The following DENND1A variants were observed in gnomAD, a reference collection of about 807,000 sequenced individuals.
DENND1A encodes DENN domain-containing protein 1A.
In DENND1A, 51 loss-of-function variants were observed where a neutral mutation model predicts 113.7. The ratio of observed to expected loss-of-function variants is 0.45; its 90% CI spans 0.36 to 0.57. The LOEUF is 0.57. Ranked by LOEUF, DENND1A falls within the 20% of genes least tolerant of loss-of-function variation. The pLI is 0.00. For missense variants in DENND1A, 1,258 were observed against 1,395.9 expected (o/e 0.90, Z 1.57); for synonymous variants, 565 against 570.8 (o/e 0.99, Z 0.14).
At chr9:123,527,567 G>A (rs1036529994) in intron 13 of DENND1A, among the ~76,000 whole-genome samples, 1 of 152,068 alleles carries the variant, frequency 6.6e-6, no homozygotes, top group Admixed American at 6.6e-5. Flanking sequence ...CTCTCAGCTT[G>A]GGTATCACTT....
chr9:123,494,607 C>CT (rs1301051917), intron 13 of DENND1A, among the ~76,000 whole-genome samples: 7 of 152,132 alleles, frequency 4.6e-5, no homozygotes, highest in Admixed American at 4.6e-4. Context: ...TCAGATGGAT[C>CT]TTTAAGCCAG....
intron 10 of DENND1A, 37 bp from the exon 11 acceptor site, chr9:123,609,518 G>C: frequency 6.2e-7 from 1 of 1,604,420 alleles, no homozygotes; most frequent in Non-Finnish European, 8.5e-7. Flanking sequence ...CTGCTTTAAT[G>C]TCTGTTGCTT....
At chr9:123,585,344 A>G (rs961059419) in intron 11 of DENND1A, among the ~76,000 whole-genome samples, 1 of 152,236 alleles carries the variant, frequency 6.6e-6, no homozygotes, top group Non-Finnish European at 1.5e-5. Context: ...TGCCTTATTT[A>G]TAGGGTAAAA....
At chr9:123,582,543 G>A (rs1421111764) in intron 12 of DENND1A, among the ~76,000 whole-genome samples, 1 of 151,090 alleles carries the variant, frequency 6.6e-6, no homozygotes, top group East Asian at 2.0e-4. Context: ...GGGACTACAG[G>A]CACATGCCAC....
intron 2 of DENND1A, among the ~76,000 whole-genome samples, chr9:123,864,702 CT>C (rs1297144096): frequency 6.6e-6 from 1 of 152,092 alleles, no homozygotes; most frequent in East Asian, 1.9e-4. Flanking sequence ...TGCCCTCCCC[CT>C]AGACCTACCC....
At chr9:123,921,844 C>A (rs1211029477) in intron 1 of DENND1A, among the ~76,000 whole-genome samples, 7 of 152,088 alleles carry the variant, frequency 4.6e-5, no homozygotes, top group Non-Finnish European at 8.8e-5. Flanking sequence ...TTTGATTCTT[C>A]TTTTGCCTCT....
chr9:123,901,792 C>G (rs534004425), intron 1 of DENND1A, among the ~76,000 whole-genome samples: 3 of 152,208 alleles, frequency 2.0e-5, no homozygotes, highest in Admixed American at 1.3e-4. Flanking sequence ...ATCACGAGGT[C>G]AGAAGATCGA....
intron 13 of DENND1A, among the ~76,000 whole-genome samples, chr9:123,495,697 T>A (rs780046855): frequency 1.3e-5 from 2 of 152,238 alleles, no homozygotes; most frequent in Admixed American, 6.5e-5. Context: ...ATCCTGCTGT[T>A]ACAGACTCCT....
chr9:123,467,544 A>G (rs2049055699), intron 13 of DENND1A, among the ~76,000 whole-genome samples: 1 of 152,056 alleles, frequency 6.6e-6, no homozygotes, highest in African/African-American at 2.4e-5. Context: ...AATCCCAGCT[A>G]CTCAGGAGGC....
chr9:123,603,992 G>T (rs1027223484), intron 11 of DENND1A, among the ~76,000 whole-genome samples: 9 of 152,076 alleles, frequency 5.9e-5, no homozygotes, highest in African/African-American at 2.2e-4. Flanking sequence ...CATTTTATAC[G>T]GAAGGACTGT....
intron 5 of DENND1A, among the ~76,000 whole-genome samples, chr9:123,744,402 T>C (rs2069292449): frequency 6.6e-6 from 1 of 152,228 alleles, no homozygotes; most frequent in Non-Finnish European, 1.5e-5. Context: ...GGCCTTAAAA[T>C]TGTTTCTAAC....
intron 11 of DENND1A, among the ~76,000 whole-genome samples, chr9:123,606,444 G>C (rs966348765): frequency 6.6e-6 from 1 of 152,196 alleles, no homozygotes; most frequent in African/African-American, 2.4e-5. Context: ...TTCAAAGGCT[G>C]AGCAGAAGAG....
intron 21 of DENND1A, chr9:123,401,490 CCT>C (rs2043459835): frequency 1.6e-6 from 2 of 1,215,116 alleles, no homozygotes; most frequent in Non-Finnish European, 1.0e-6. Flanking sequence ...GAAACGTACC[CCT>C]CTGTCTCCTT....
At chr9:123,810,356 G>A (rs1836346754) in intron 2 of DENND1A, among the ~76,000 whole-genome samples, 1 of 152,080 alleles carries the variant, frequency 6.6e-6, no homozygotes, top group Admixed American at 6.6e-5. Context: ...GGCTTGAGAA[G>A]CAGAGCACAC....
intron 13 of DENND1A, among the ~76,000 whole-genome samples, chr9:123,502,316 C>T (rs958982429): frequency 4.0e-5 from 6 of 151,570 alleles, no homozygotes; most frequent in African/African-American, 9.7e-5. Context: ...TCTAGAGAAC[C>T]CTAATACAGG....
chr9:123,488,686 C>T (rs1007266666), intron 13 of DENND1A, among the ~76,000 whole-genome samples: 4 of 152,220 alleles, frequency 2.6e-5, no homozygotes, highest in Non-Finnish European at 5.9e-5. Context: ...ATCTCCAAAG[C>T]AGAGGATGTA....
intron 12 of DENND1A, among the ~76,000 whole-genome samples, chr9:123,558,884 G>C (rs1453554615): frequency 6.6e-6 from 1 of 152,196 alleles, no homozygotes; most frequent in East Asian, 1.9e-4. Flanking sequence ...CGAGGACTAT[G>C]TTAGGTGTTG....
chr9:123,615,006 C>T (rs191825095), intron 10 of DENND1A, among the ~76,000 whole-genome samples: 19 of 152,084 alleles, frequency 1.2e-4, no homozygotes, highest in Non-Finnish European at 1.9e-4. Context: ...GACAAGAGAA[C>T]GGGAAAAAGA....
intron 2 of DENND1A, among the ~76,000 whole-genome samples, chr9:123,871,124 C>T (rs1388237269): frequency 1.3e-5 from 2 of 152,112 alleles, no homozygotes; most frequent in African/African-American, 4.8e-5. Flanking sequence ...AGGTCTGTTG[C>T]CTGGGCTATA....
Sources: allele counts gnomAD v4.1 joint callset (sites outside exome capture counted in the v4.1 genomes callset), GRCh38; gene constraint gnomAD v4.1.1; transcripts MANE v1.5; gene names NCBI Gene and HGNC (gene_info 2026-07-23, HGNC 2026-07-21).